The following ASB7 variants were observed in gnomAD, a reference collection of about 807,000 sequenced individuals.
The protein encoded by ASB7 is ankyrin repeat and SOCS box containing 7.
In ASB7, 4 loss-of-function variants were observed where a neutral mutation model predicts 32.5. That is an observed-to-expected ratio of 0.12 (90% CI 0.06 to 0.28). The LOEUF is 0.28. Ranked by LOEUF, ASB7 falls within the 10% of genes least tolerant of loss-of-function variation. The pLI is 1.00. For missense variants in ASB7, 181 were observed against 407.1 expected, an observed-to-expected ratio of 0.44 and a Z score of 4.78; for synonymous variants, 172 against 155.6, an observed-to-expected ratio of 1.11 and a Z score of -0.78.
chr15:100,650,992 G>T lies in ASB7; in HGVS notation c.*2530G>T, dbSNP rs1381927660. ...ATATTTTCAGAAAAATCAACCGATTGTTTTTTCCAGAAACAGAACAGAAAA... is the reference window on the plus strand; with the variant it reads ...ATATTTTCAGAAAAATCAACCGATTTTTTTTTCCAGAAACAGAACAGAAAA... On this transcript the variant is annotated 3_prime_UTR_variant, in exon 6 of 6. Coordinates refer to ENST00000332783, the MANE Select transcript of ASB7 (RefSeq NM_198243.3). 1 of 152,106 alleles carries T rather than the reference G, an allele frequency of 6.6e-6. No homozygotes were observed. Among genetic ancestry groups the T allele is most frequent in the Admixed American group, 6.5e-5 (1 of 15,270 alleles). 9.4% of individuals were successfully genotyped at this position (152,106 alleles called of 1,614,324 possible). A position where few individuals can be genotyped will look rare whatever the true frequency, so the allele number is the denominator to read the frequency against.
chr15:100,626,365 A>C (rs1253927592), intron 4 of ASB7, among the ~76,000 whole-genome samples: 1 of 152,210 alleles, frequency 6.6e-6, no homozygotes, highest in Non-Finnish European at 1.5e-5. Flanking sequence ...GTTCAGTATA[A>C]CTAGTTATTA....
intron 4 of ASB7, among the ~76,000 whole-genome samples, chr15:100,628,092 A>T (rs2039854776): frequency 1.3e-5 from 2 of 152,358 alleles, no homozygotes; most frequent in South Asian, 4.1e-4. Flanking sequence ...ACCAAGGTAG[A>T]TATAATGCCC....
chr15:100,627,597 T>C (rs1030501325), intron 4 of ASB7, among the ~76,000 whole-genome samples: 1 of 152,230 alleles, frequency 6.6e-6, no homozygotes, highest in South Asian at 2.1e-4. Context: ...CTTCAAAATG[T>C]ACATAGAACC....
chr15:100,613,209 T>C (rs1251468101), intron 4 of ASB7, among the ~76,000 whole-genome samples: 1 of 152,244 alleles, frequency 6.6e-6, no homozygotes, highest in African/African-American at 2.4e-5. Context: ...ATACATGCCA[T>C]TCTAGGGCTT....
At chr15:100,627,251 G>A (rs370436658) in intron 4 of ASB7, among the ~76,000 whole-genome samples, 32 of 152,178 alleles carry the variant, frequency 2.1e-4, no homozygotes, top group African/African-American at 7.7e-4. Context: ...AGGGGACAAA[G>A]TAATAAGTTC....
At chr15:100,646,631 A>G in intron 5 of ASB7, 1 of 282,536 alleles carries the variant, frequency 3.5e-6, no homozygotes, top group South Asian at 3.9e-5. Flanking sequence ...TGATCAGTGT[A>G]GAAGCTTGTT....
chr15:100,646,020 A>G (rs1261434771), intron 5 of ASB7: 6 of 446,478 alleles, frequency 1.3e-5, no homozygotes, highest in African/African-American at 2.0e-5. Flanking sequence ...CTGTAGGGAC[A>G]GTAGACCAGA....
intron 2 of ASB7, among the ~76,000 whole-genome samples, chr15:100,608,186 C>T (rs6598366): frequency 0.96 from 146,895 of 152,330 alleles, 71,069 homozygotes; most frequent in East Asian, 1. Flanking sequence ...AGGCTCATCA[C>T]TGGGGACACT....
chr15:100,617,846 T>A (rs1204305831), intron 4 of ASB7, among the ~76,000 whole-genome samples: 3 of 152,246 alleles, frequency 2.0e-5, no homozygotes, highest in African/African-American at 4.8e-5. Flanking sequence ...ACCAGTTATC[T>A]AAAGTAATTG....
chr15:100,633,347 C>T (rs7165626), intron 5 of ASB7, among the ~76,000 whole-genome samples: 96,533 of 151,926 alleles, frequency 0.64, 31,190 homozygotes, highest in East Asian at 0.82. Flanking sequence ...GAGGCTGAGG[C>T]GGGTGGGTCA....
intron 4 of ASB7, among the ~76,000 whole-genome samples, chr15:100,618,105 T>G (rs1366447860): frequency 6.6e-6 from 1 of 152,012 alleles, no homozygotes; most frequent in Admixed American, 6.5e-5. Context: ...CAGTATAGTT[T>G]CTTTTCTTTT....
At chr15:100,633,834 C>T (rs1470204019) in intron 5 of ASB7, among the ~76,000 whole-genome samples, 2 of 152,122 alleles carry the variant, frequency 1.3e-5, no homozygotes, top group African/African-American at 2.4e-5. Context: ...TTAGGAGGCC[C>T]TCATTCTCAG....
intron 3 of ASB7, among the ~76,000 whole-genome samples, chr15:100,611,923 C>T (rs1307298020): frequency 2.7e-5 from 4 of 148,792 alleles, no homozygotes; most frequent in South Asian, 2.1e-4. Context: ...GGGTTCAGGT[C>T]GTCCTCCCAC....
chr15:100,612,970 A>G (rs1198612638), intron 4 of ASB7, among the ~76,000 whole-genome samples: 1 of 152,242 alleles, frequency 6.6e-6, no homozygotes, highest in Non-Finnish European at 1.5e-5. Flanking sequence ...CTAATTTTGT[A>G]TAAATATGTG....
chr15:100,611,484 C>CTTTTTTTTCTTTTTTTTTT (rs2039694716), intron 3 of ASB7, among the ~76,000 whole-genome samples: 1 of 77,142 alleles, frequency 1.3e-5, no homozygotes, highest in East Asian at 5.6e-4. Flanking sequence ...TGTTTCGATT[C>CTTTTTTTTCTTTTTTTTTT]TTTTTTTTTT....
At chr15:100,609,565 A>C (rs1040455093) in intron 2 of ASB7, 142 bp from the exon 3 acceptor site, 7 of 152,200 alleles carry the variant, frequency 4.6e-5, no homozygotes, top group African/African-American at 1.7e-4. Flanking sequence ...TTTCTGTAAG[A>C]GTTGATCTGA....
chr15:100,604,359 A>G (rs893875285), intron 2 of ASB7, among the ~76,000 whole-genome samples: 39 of 152,338 alleles, frequency 2.6e-4, no homozygotes, highest in African/African-American at 8.2e-4. Context: ...AATTAGCCAA[A>G]TGGATGACTT....
intron 5 of ASB7, among the ~76,000 whole-genome samples, chr15:100,644,042 G>A (rs942521919): frequency 1.3e-5 from 2 of 152,114 alleles, no homozygotes; most frequent in African/African-American, 4.8e-5. Flanking sequence ...GAGGCCAGGA[G>A]TTTGAGACCA....
intron 2 of ASB7, among the ~76,000 whole-genome samples, chr15:100,608,960 G>A (rs2039671377): frequency 6.6e-6 from 1 of 152,332 alleles, no homozygotes; most frequent in African/African-American, 2.4e-5. Context: ...GTCAGGGGAT[G>A]AGGTAGTAGT....
Sources: allele counts gnomAD v4.1 joint callset (sites outside exome capture counted in the v4.1 genomes callset), GRCh38; gene constraint gnomAD v4.1.1; transcripts MANE v1.5; gene names NCBI Gene and HGNC (gene_info 2026-07-23, HGNC 2026-07-21).